Variants in LAMA2 observed in about 807,000 individuals in gnomAD.
The protein encoded by LAMA2 is laminin subunit alpha 2, also known as laminin subunit alpha-2.
Under a neutral mutation model 364.8 loss-of-function variants are expected in LAMA2, and 269 were observed. That is an observed-to-expected ratio of 0.74 (90% CI 0.67 to 0.82). The LOEUF is 0.82. LAMA2 is among the 40% of genes least tolerant of loss of function. The pLI is 0.00. For missense variants in LAMA2, 3,807 were observed against 3,873.2 expected (o/e 0.98, Z 0.45); for synonymous variants, 1,379 against 1,370.6 (o/e 1.01, Z -0.14).
intron 1 of LAMA2, among the ~76,000 whole-genome samples, chr6:129,006,496 C>T (rs2114685888): frequency 6.6e-6 from 1 of 152,206 alleles, no homozygotes; most frequent in East Asian, 1.9e-4. Flanking sequence ...AAGGGTGTCC[C>T]ATTCACCCAT....
chr6:129,049,859 G>C lies in LAMA2; in HGVS notation c.113-59G>C, dbSNP rs1244203812. ...ATTTTATCTCAATTGCTTTTAAAAT[G>C]TATCAAAATCCTAACTTTGTTTCTG... On this transcript the variant is annotated intron_variant, in intron 1 of 64. Transcript: ENST00000421865. 11 of 1,464,644 alleles carry C rather than the reference G, an allele frequency of 7.5e-6. No individual in the cohort carries two copies. In the Admixed American group the frequency reaches 1.8e-4, roughly 25 times the overall value. The allele number at this position is 1,464,644 out of a possible 1,614,324, so 90.7% of individuals were successfully genotyped here.
chr6:128,958,369 C>A (rs1781280724), intron 1 of LAMA2, among the ~76,000 whole-genome samples: 1 of 151,938 alleles, frequency 6.6e-6, no homozygotes, highest in African/African-American at 2.4e-5. Flanking sequence ...ATTTTAAAGG[C>A]AGTAAAATAA....
At chr6:128,892,945 G>A (rs573140372) in intron 1 of LAMA2, among the ~76,000 whole-genome samples, 2 of 151,904 alleles carry the variant, frequency 1.3e-5, no homozygotes, top group African/African-American at 4.8e-5. Context: ...ACTTGGGAAC[G>A]CTGGATTTTG....
Position 129,486,583 on chromosome 6 carries a change from A to G in LAMA2, c.7859A>G (p.Asp2620Gly), listed in dbSNP as rs1458548537. The change falls in exon 56 of 65, where the codon GAT becomes GGT. Residue 2620 changes from aspartate (D) to glycine (G), a missense_variant. By Grantham distance (94) the Asp-to-Gly change is moderately conservative (BLOSUM62 -1). Transcript: ENST00000421865. ...VIRPEPNLFHDGREHSVHVER... is the reference protein window; with the variant it reads ...VIRPEPNLFHGGREHSVHVER... ...AGACCAGAGCCGAATCTGTTTCATG[A>G]TGGAAGAGAACATTCCGTTCATGTA... 1 of 1,613,970 alleles carries G rather than the reference A, an allele frequency of 6.2e-7. No homozygotes were observed. Among genetic ancestry groups the G allele is most frequent in the East Asian group, 2.2e-5 (1 of 44,846 alleles).
chr6:129,321,936 G>T (rs948060159), intron 28 of LAMA2, among the ~76,000 whole-genome samples: 1 of 152,130 alleles, frequency 6.6e-6, no homozygotes, highest in Non-Finnish European at 1.5e-5. Context: ...TACTTGGACA[G>T]GTTACTTGCT....
At chr6:129,475,889 A>G (rs1408637197) in intron 53 of LAMA2, among the ~76,000 whole-genome samples, 1 of 152,140 alleles carries the variant, frequency 6.6e-6, no homozygotes, top group Non-Finnish European at 1.5e-5. Flanking sequence ...ATATGCAAAC[A>G]TTTACACAGC....
intron 4 of LAMA2, among the ~76,000 whole-genome samples, chr6:129,129,331 G>A (rs1226692774): frequency 1.3e-5 from 2 of 152,164 alleles, no homozygotes; most frequent in Non-Finnish European, 2.9e-5. Flanking sequence ...ACTCTGGAAT[G>A]CTTATTTTAA....
chr6:128,891,936 G>T lies in LAMA2; in HGVS notation c.112+8579G>T, dbSNP rs544759743. ...TGGACTTAGGAGAAGGCTAGACTCGGATCCATAGCCAAGTCACCACTTTAC... is the reference window on the plus strand; with the variant it reads ...TGGACTTAGGAGAAGGCTAGACTCGTATCCATAGCCAAGTCACCACTTTAC... On this transcript the variant is annotated intron_variant, in intron 1 of 64. Transcript: ENST00000421865. Among the ~76,000 whole-genome samples the T allele has an allele frequency of 2.0e-5, 3 of 152,074 alleles. No homozygotes were observed. The East Asian group carries it at 5.8e-4, about 29-fold the overall frequency.
At chr6:129,051,677 GATATCT>G (rs928490590) in intron 2 of LAMA2, among the ~76,000 whole-genome samples, 2 of 37,946 alleles carry the variant, frequency 5.3e-5, no homozygotes, top group African/African-American at 4.3e-4. Flanking sequence ...TCGATCTATA[GATATCT>G]ATATCTATAG....
At chr6:128,937,563 T>C (rs1779903039) in intron 1 of LAMA2, among the ~76,000 whole-genome samples, 1 of 152,134 alleles carries the variant, frequency 6.6e-6, no homozygotes, top group East Asian at 1.9e-4. Flanking sequence ...ATCAACTTCT[T>C]GTAGGTTATT....
chr6:129,170,047 C>G (rs1352771754), intron 9 of LAMA2, among the ~76,000 whole-genome samples: 1 of 151,838 alleles, frequency 6.6e-6, no homozygotes, highest in African/African-American at 2.4e-5. Context: ...TTAGATTCTT[C>G]TCTCTTTTTT....
rs561692267 is a variant in LAMA2 at position 129,094,678 on chromosome 6, T to C, written c.397-3495T>C. Among the ~76,000 whole-genome samples, 3 of 152,350 alleles carry C rather than the reference T, an allele frequency of 2.0e-5. No individual in the cohort carries two copies. In the South Asian group the frequency reaches 6.2e-4, roughly 32 times the overall value. On this transcript the variant is annotated intron_variant, in intron 3 of 64. Transcript: ENST00000421865. The stretch of plus-strand genomic sequence containing the variant: ...TATGCTTTGCTATCTCTCTTTTTGT[T>C]TTATATCTTTAAAAAAATCTCTATG...
intron 12 of LAMA2, among the ~76,000 whole-genome samples, chr6:129,203,422 G>C (rs561236773): frequency 6.6e-6 from 1 of 152,232 alleles, no homozygotes; most frequent in Non-Finnish European, 1.5e-5. Flanking sequence ...GTGGTTGAGT[G>C]AGGCAGTATT....
chr6:129,219,628 C>G (rs1261391590), intron 12 of LAMA2, among the ~76,000 whole-genome samples: 1 of 146,148 alleles, frequency 6.8e-6, no homozygotes, highest in African/African-American at 2.5e-5. Flanking sequence ...ACATATACAC[C>G]ATGGAATACT....
chr6:129,412,676 T>G (rs762161443), intron 40 of LAMA2, among the ~76,000 whole-genome samples: 2 of 152,242 alleles, frequency 1.3e-5, no homozygotes, highest in Non-Finnish European at 2.9e-5. Context: ...AAATCTCACA[T>G]GATGGACATA....
At chr6:128,907,518 CT>C (rs1777570057) in intron 1 of LAMA2, among the ~76,000 whole-genome samples, 1 of 152,088 alleles carries the variant, frequency 6.6e-6, no homozygotes, top group Non-Finnish European at 1.5e-5. Flanking sequence ...TGCTTATCAG[CT>C]TAAGGAGATT....
intron 16 of LAMA2, among the ~76,000 whole-genome samples, chr6:129,268,745 T>A (rs915863238): frequency 4.6e-5 from 7 of 152,012 alleles, no homozygotes; most frequent in Non-Finnish European, 8.8e-5. Context: ...AACAGAGCGA[T>A]CTTGAGGAAA....
At chr6:129,093,051 G>A (rs947566878) in intron 3 of LAMA2, among the ~76,000 whole-genome samples, 5 of 151,506 alleles carry the variant, frequency 3.3e-5, no homozygotes, top group Non-Finnish European at 7.4e-5. Flanking sequence ...GTGTGATCTC[G>A]GCTCACTGCA....
At chr6:129,461,816 A>C (rs1443148760) in intron 49 of LAMA2, among the ~76,000 whole-genome samples, 1 of 95,570 alleles carries the variant, frequency 1.0e-5, no homozygotes, top group Non-Finnish European at 2.2e-5. Context: ...CACGTTTACA[A>C]CTTCTCCTGA....
Sources: allele counts gnomAD v4.1 joint callset (sites outside exome capture counted in the v4.1 genomes callset), GRCh38; gene constraint gnomAD v4.1.1; transcripts MANE v1.5; gene names NCBI Gene and HGNC (gene_info 2026-07-23, HGNC 2026-07-21).